The following LUC7L2 variants were observed in gnomAD, a reference collection of about 807,000 sequenced individuals.
The protein encoded by LUC7L2 is putative RNA-binding protein Luc7-like 2.
Under a neutral mutation model 52.8 loss-of-function variants are expected in LUC7L2, and 25 were observed. The ratio of observed to expected loss-of-function variants is 0.47; its 90% CI spans 0.34 to 0.66. The LOEUF is 0.66. LUC7L2 is among the 30% of genes least tolerant of loss of function. The pLI is 0.01. For synonymous variants in LUC7L2, 144 were observed against 160.9 expected (o/e 0.89, Z 0.80); for missense variants, 328 against 497.8 (o/e 0.66, Z 3.25).
At chr7:139,412,313 T>C (rs910640518) in intron 7 of LUC7L2, among the ~76,000 whole-genome samples, 2 of 152,176 alleles carry the variant, frequency 1.3e-5, no homozygotes, top group Admixed American at 1.3e-4. Flanking sequence ...GTACTGTGTT[T>C]TAATCTCCTA....
intron 2 of LUC7L2, 39 bp from the exon 3 acceptor site, chr7:139,398,559 CT>C (rs762901221): frequency 2.7e-5 from 42 of 1,533,908 alleles, no homozygotes; most frequent in South Asian, 3.8e-5. Context: ...TTTTAAAAAA[CT>C]TTTTTTTGTT....
At chr7:139,359,208 C>G (rs1043241932), upstream of LUC7L2, 3 of 152,330 alleles carry the variant, frequency 2.0e-5, no homozygotes, top group Non-Finnish European at 4.4e-5. Context: ...CCGAGATCGC[C>G]TCCCCAGTAG....
At chr7:139,368,335 T>A (rs1800268775) in intron 1 of LUC7L2, among the ~76,000 whole-genome samples, 1 of 152,312 alleles carries the variant, frequency 6.6e-6, no homozygotes, top group South Asian at 2.1e-4. Context: ...TCTGTGATAG[T>A]GATTATAGGT....
At chr7:139,402,981 C>CT (rs1794982750) in intron 4 of LUC7L2, among the ~76,000 whole-genome samples, 1 of 152,226 alleles carries the variant, frequency 6.6e-6, no homozygotes, top group Non-Finnish European at 1.5e-5. Flanking sequence ...AACCTATTCT[C>CT]TATCTCTGTA....
intron 2 of LUC7L2, among the ~76,000 whole-genome samples, chr7:139,388,120 C>A (rs1569380168): frequency 1.3e-5 from 2 of 152,204 alleles, no homozygotes; most frequent in South Asian, 2.1e-4. Flanking sequence ...AGTATAGCAC[C>A]TGCTTTCTGT....
At chr7:139,367,408 G>A (rs1800217808) in intron 1 of LUC7L2, among the ~76,000 whole-genome samples, 1 of 152,118 alleles carries the variant, frequency 6.6e-6, no homozygotes, top group African/African-American at 2.4e-5. Flanking sequence ...AAACAAAATG[G>A]TGTATTATGT....
Position 139,422,023 on chromosome 7 carries a change from T to C in LUC7L2, c.1002-140T>C, listed in dbSNP as rs934168345. 2.3e-5 allele frequency: 31 copies of C among 1,325,048 alleles called. No individual in the cohort carries two copies. The African/African-American group carries it at 4.6e-4, about 20-fold the overall frequency. 82.1% of individuals were successfully genotyped at this position (1,325,048 alleles called of 1,614,324 possible). ...TCAACTATGGTAGTGCTCTGTAATT[T>C]GTCAGAAAACTGACTCCTCTGTCAT... On this transcript the variant is annotated intron_variant, in intron 9 of 9. Transcript: ENST00000354926.
At position 139,340,545 on chromosome 7, in the gene LUC7L2, C is replaced by T. The variant is rs143240502; in HGVS notation, c.-26+28C>T. ...AAAGCCTTTGGCGCGGTGATGTGGA[C>T]TTTTGTTCTCTAACTACAACTCCCA... On this transcript the variant is annotated intron_variant, in intron 1 of 10. Transcript: ENST00000541170. 4.5e-4 allele frequency: 180 copies of T among 398,382 alleles called. 1 individual carries two copies. The highest frequency in any genetic ancestry group is 2.2e-3 in the South Asian group (17 of 7,738). The allele number at this position is 398,382 out of a possible 1,614,324, so 24.7% of individuals were successfully genotyped here.
upstream of LUC7L2, chr7:139,359,279 G>A (rs888560693): frequency 6.6e-6 from 1 of 152,548 alleles, no homozygotes; most frequent in African/African-American, 2.4e-5. Context: ...CGACCTTGTA[G>A]GTAAAGATGA....
At chr7:139,360,457 C>G (rs1478881957) in intron 1 of LUC7L2, 135 bp downstream of exon 1, 1 of 740,994 alleles carries the variant, frequency 1.3e-6, no homozygotes, top group Non-Finnish European at 2.2e-6. Flanking sequence ...GGTCCCCGTC[C>G]CCCGTCCCAT....
At chr7:139,350,204 C>T (rs1349557559) in intron 1 of LUC7L2, among the ~76,000 whole-genome samples, 5 of 152,120 alleles carry the variant, frequency 3.3e-5, no homozygotes, top group Non-Finnish European at 7.4e-5. Flanking sequence ...TCACTGCAAG[C>T]TCCGCCTCCC....
At chr7:139,401,319 G>T (rs1794905678) in intron 3 of LUC7L2, among the ~76,000 whole-genome samples, 1 of 152,092 alleles carries the variant, frequency 6.6e-6, no homozygotes, top group Non-Finnish European at 1.5e-5. Context: ...CATTTTTTCT[G>T]TATTTTCTTT....
chr7:139,416,040 A>AATATATATATATAT lies in LUC7L2; in HGVS notation c.810-1461_810-1448dup, dbSNP rs66498771. 6.6e-4 allele frequency: 65 copies of AATATATATATATAT among 97,816 alleles called. 1 individual carries two copies. The highest frequency in any genetic ancestry group is 1.6e-3 in the South Asian group (4 of 2,508). 6.1% of individuals were successfully genotyped at this position (97,816 alleles called of 1,614,324 possible). ...ATTTAAGAGTTTTATTGAGGTATAAAATATATATATATATATATATATATA... is the reference window on the plus strand; with the variant it reads ...ATTTAAGAGTTTTATTGAGGTATAAAATATATATATATATATATATATATATATATATATATATA... On this transcript the variant is annotated intron_variant, in intron 8 of 9. Transcript: ENST00000354926.
intron 5 of LUC7L2, among the ~76,000 whole-genome samples, chr7:139,406,590 G>A (rs192620170): frequency 1.3e-5 from 2 of 152,184 alleles, no homozygotes; most frequent in East Asian, 3.9e-4. Context: ...CTGACCTGGG[G>A]TGATCTGTCC....
intron 2 of LUC7L2, among the ~76,000 whole-genome samples, chr7:139,389,889 C>G (rs1012551489): frequency 3.3e-5 from 5 of 152,134 alleles, no homozygotes; most frequent in African/African-American, 1.2e-4. Flanking sequence ...CTTACTTGAT[C>G]TGAACAGCAA....
intron 1 of LUC7L2, among the ~76,000 whole-genome samples, chr7:139,364,808 T>A (rs1800069615): frequency 6.6e-6 from 1 of 152,262 alleles, no homozygotes; most frequent in African/African-American, 2.4e-5. Context: ...TTTACTGTAA[T>A]CTGTGTTCCT....
chr7:139,377,280 C>G (rs1170028857), intron 2 of LUC7L2, among the ~76,000 whole-genome samples: 1 of 152,232 alleles, frequency 6.6e-6, no homozygotes, highest in Non-Finnish European at 1.5e-5. Context: ...TCTCAGCTCA[C>G]TGCTACCTCC....
intron 1 of LUC7L2, chr7:139,340,590 T>G (rs1359732213): frequency 1.0e-5 from 4 of 397,376 alleles, no homozygotes; most frequent in Non-Finnish European, 1.8e-5. Flanking sequence ...ACCCCTCACG[T>G]GGGCGCTAGG....
intron 1 of LUC7L2, among the ~76,000 whole-genome samples, chr7:139,343,928 A>C (rs1169107986): frequency 6.8e-5 from 10 of 146,414 alleles, no homozygotes; most frequent in South Asian, 2.2e-4. Flanking sequence ...CCTGTCCCCA[A>C]AAAAAAAAAA....
Sources: gnomAD v4.1 joint callset for allele counts (sites outside exome capture counted in the v4.1 genomes callset) on GRCh38, gnomAD v4.1.1 for gene constraint, MANE v1.5 for transcripts, NCBI Gene and HGNC (gene_info 2026-07-23, HGNC 2026-07-21) for gene names.